Variants in MBTD1 observed in about 807,000 individuals in gnomAD.
The protein encoded by MBTD1 is mbt domain containing 1, also known as MBT domain-containing protein 1.
MBTD1 carries 24 observed loss-of-function variants against 87.8 expected under a neutral mutation model. The ratio of observed to expected loss-of-function variants is 0.27; its 90% CI spans 0.20 to 0.38. The LOEUF is 0.38. Ranked by LOEUF, MBTD1 falls within the 10% of genes least tolerant of loss-of-function variation. The pLI, the probability that MBTD1 is intolerant of heterozygous loss-of-function variation, is 1.00. For missense variants in MBTD1, 436 were observed against 760.2 expected, an observed-to-expected ratio of 0.57 and a Z score of 5.02; for synonymous variants, 237 against 248.6, an observed-to-expected ratio of 0.95 and a Z score of 0.44.
intron 2 of MBTD1, among the ~76,000 whole-genome samples, chr17:51,232,888 T>TA (rs1467842450): frequency 1.7e-4 from 26 of 150,424 alleles, no homozygotes; most frequent in African/African-American, 5.9e-4. Context: ...AAAATAAAAA[T>TA]AAAAATAAAA....
chr17:51,233,923 C>T (rs1441416566), intron 2 of MBTD1, among the ~76,000 whole-genome samples: 2 of 151,414 alleles, frequency 1.3e-5, no homozygotes, highest in South Asian at 2.1e-4. Flanking sequence ...AAAATTCTTA[C>T]CAGAAAATCT....
upstream of MBTD1, chr17:51,260,928 T>C (rs1189195776): frequency 6.5e-7 from 1 of 1,547,314 alleles, no homozygotes; most frequent in Admixed American, 2.0e-5. Flanking sequence ...GGCCCGAGGG[T>C]GAGGGAGGCC....
At chr17:51,189,409 T>G (rs1363000048) in intron 16 of MBTD1, among the ~76,000 whole-genome samples, 1 of 152,228 alleles carries the variant, frequency 6.6e-6, no homozygotes, top group Non-Finnish European at 1.5e-5. Flanking sequence ...ATATGTTGCA[T>G]ATAGACCAAA....
intron 2 of MBTD1, among the ~76,000 whole-genome samples, chr17:51,249,322 T>G (rs1009010090): frequency 6.6e-6 from 1 of 152,156 alleles, no homozygotes. Context: ...ATTTAGATCT[T>G]TTATATCCTT....
intron 16 of MBTD1, among the ~76,000 whole-genome samples, chr17:51,188,000 T>TA (rs2050625436): frequency 6.6e-6 from 1 of 152,144 alleles, no homozygotes; most frequent in Non-Finnish European, 1.5e-5. Flanking sequence ...AAGGTAAATG[T>TA]AAGCCACACA....
chr17:51,195,472 A>G (rs1186387951), intron 12 of MBTD1, 111 bp from the exon 13 acceptor site: 3 of 757,738 alleles, frequency 4.0e-6, no homozygotes, highest in Admixed American at 6.2e-5. Flanking sequence ...GTCTCTTCAA[A>G]GTGAAACATG....
chr17:51,221,111 T>G (rs111635103), intron 3 of MBTD1, among the ~76,000 whole-genome samples: 6 of 151,916 alleles, frequency 3.9e-5, no homozygotes, highest in African/African-American at 1.5e-4. Context: ...CTGGGCAAGA[T>G]AGCAAGATCC....
rs1199509914 is a variant in MBTD1, at chr17:51,193,473, G to C, written c.1410C>G (p.Leu470=). Reference sequence around the variant, plus strand: ...GTGCTGCAATGGAGCCAGTTTCCCTGAGGTAGTCAAACCATTTAAAAGGAA... The same window carrying C: ...GTGCTGCAATGGAGCCAGTTTCCCTCAGGTAGTCAAACCATTTAAAAGGAA... The part of the protein sequence containing the change: ...TKLPFKWFDY[L]RETGSIAAPV... Residue 470 remains leucine (L), a synonymous_variant, in exon 14 of 17, where the codon CTC becomes CTG. Transcript: ENST00000586178. 6.2e-7 allele frequency: 1 copy of C among 1,612,620 alleles called. No homozygotes were observed. Among genetic ancestry groups the C allele is most frequent in the African/African-American group, 1.3e-5 (1 of 74,872 alleles).
At chr17:51,222,825 G>C (rs1598373688) in intron 3 of MBTD1, among the ~76,000 whole-genome samples, 1 of 149,424 alleles carries the variant, frequency 6.7e-6, no homozygotes, top group East Asian at 2.1e-4. Context: ...TTAGTTTTTT[G>C]AAGTCTCGCT....
intron 5 of MBTD1, among the ~76,000 whole-genome samples, chr17:51,218,529 CAAAAAAAAAAA>C (rs58563366): frequency 0.16 from 17,464 of 110,702 alleles, 1,780 homozygotes; most frequent in African/African-American, 0.36. Context: ...ACTCTGTCTC[CAAAAAAAAAAA>C]AAAAAAAAAA....
At chr17:51,181,916 C>T (rs78680145) in intron 16 of MBTD1, among the ~76,000 whole-genome samples, 18,188 of 151,688 alleles carry the variant, frequency 0.12, 1,838 homozygotes, top group African/African-American at 0.27. Context: ...TGAGCCACAG[C>T]GCCTGGCTGT....
intron 2 of MBTD1, among the ~76,000 whole-genome samples, chr17:51,236,545 T>C (rs993135440): frequency 6.6e-6 from 1 of 152,106 alleles, no homozygotes; most frequent in Non-Finnish European, 1.5e-5. Context: ...GCGTCTGGCC[T>C]ATGTTTTTTA....
upstream of MBTD1, chr17:51,260,444 A>AG (rs2055408528): frequency 1.1e-6 from 1 of 885,730 alleles, no homozygotes; most frequent in African/African-American, 1.8e-5. Flanking sequence ...ACGTAGAGGG[A>AG]GGGAGTGCTG....
intron 7 of MBTD1, among the ~76,000 whole-genome samples, chr17:51,206,303 T>A (rs76805771): frequency 1.3e-5 from 2 of 152,190 alleles, no homozygotes; most frequent in Non-Finnish European, 2.9e-5. Flanking sequence ...AGAATGGGTC[T>A]CGCTATTTTG....
chr17:51,220,264 A>G (rs2052810284), intron 4 of MBTD1, 66 bp downstream of exon 4: 10 of 1,444,076 alleles, frequency 6.9e-6, no homozygotes, highest in Non-Finnish European at 8.4e-6. Flanking sequence ...TCACAGTCAA[A>G]TGACAGATAA....
At chr17:51,256,067 T>C (rs542199333) in intron 2 of MBTD1, among the ~76,000 whole-genome samples, 6 of 152,274 alleles carry the variant, frequency 3.9e-5, no homozygotes, top group African/African-American at 1.2e-4. Context: ...ATACAACCAG[T>C]TTTAAAAGAC....
At chr17:51,247,497 A>G (rs2054516967) in intron 2 of MBTD1, among the ~76,000 whole-genome samples, 1 of 140,888 alleles carries the variant, frequency 7.1e-6, no homozygotes. Flanking sequence ...TTCAGCCTGG[A>G]GTGCAGCAGC....
intron 12 of MBTD1, among the ~76,000 whole-genome samples, chr17:51,197,524 T>C (rs1354137540): frequency 1.3e-5 from 2 of 151,034 alleles, no homozygotes; most frequent in Non-Finnish European, 3.0e-5. Context: ...TCTTTTCTTT[T>C]TTTTTTTTTT....
At chr17:51,223,452 C>T (rs979512197) in intron 3 of MBTD1, among the ~76,000 whole-genome samples, 4 of 152,004 alleles carry the variant, frequency 2.6e-5, no homozygotes, top group African/African-American at 9.7e-5. Context: ...GAGAGGATCA[C>T]CTGAGCTCGG....
Sources: gnomAD v4.1 joint callset for allele counts (sites outside exome capture counted in the v4.1 genomes callset) on GRCh38, gnomAD v4.1.1 for gene constraint, MANE v1.5 for transcripts, NCBI Gene and HGNC (gene_info 2026-07-23, HGNC 2026-07-21) for gene names.